FOXP1: variants seen among roughly 807,000 people sequenced by gnomAD.
The protein encoded by FOXP1 is forkhead box P1, also known as forkhead box protein P1.
In FOXP1, 15 loss-of-function variants were observed where a neutral mutation model predicts 98.2. The ratio of observed to expected loss-of-function variants is 0.15; its 90% confidence interval spans 0.10 to 0.24. FOXP1 has a LOEUF of 0.24. Ranked by LOEUF, FOXP1 falls within the 10% of genes least tolerant of loss-of-function variation. FOXP1 has a pLI of 1.00. For missense variants in FOXP1, 633 were observed against 848.5 expected, an observed-to-expected ratio of 0.75 and a Z score of 3.15; for synonymous variants, 371 against 314.5, an observed-to-expected ratio of 1.18 and a Z score of -1.90.
At chr3:71,290,128 A>G (rs1653967) in intron 5 of FOXP1, among the ~76,000 whole-genome samples, 59,585 of 151,958 alleles carry the variant, frequency 0.39, 13,134 homozygotes, top group Non-Finnish European at 0.5. Flanking sequence ...ATCTACAACT[A>G]CATTCCTGGT....
intron 11 of FOXP1, among the ~76,000 whole-genome samples, chr3:71,035,785 T>C (rs1024860439): frequency 2.6e-5 from 4 of 150,988 alleles, no homozygotes; most frequent in African/African-American, 9.7e-5. Context: ...AAAAAAAAAC[T>C]GAAATGAGGA....
At chr3:71,008,740 T>G (rs2043125547) in intron 12 of FOXP1, among the ~76,000 whole-genome samples, 1 of 152,094 alleles carries the variant, frequency 6.6e-6, no homozygotes, top group East Asian at 1.9e-4. Flanking sequence ...TATTTATCTT[T>G]GAAATCAAGG....
chr3:71,283,972 C>G (rs771342285), intron 5 of FOXP1, among the ~76,000 whole-genome samples: 1 of 152,124 alleles, frequency 6.6e-6, no homozygotes, highest in Non-Finnish European at 1.5e-5. Context: ...TCAAACCCTG[C>G]CTGTTCCAAT....
chr3:71,315,495 G>A (rs2075024287), intron 4 of FOXP1, among the ~76,000 whole-genome samples: 1 of 152,148 alleles, frequency 6.6e-6, no homozygotes, highest in South Asian at 2.1e-4. Flanking sequence ...TGCCTCAGTT[G>A]CGTGACCCAG....
intron 6 of FOXP1, among the ~76,000 whole-genome samples, chr3:71,178,245 CT>C (rs2062066930): frequency 6.6e-6 from 1 of 151,510 alleles, no homozygotes; most frequent in Non-Finnish European, 1.5e-5. Context: ...AGCAATTCCC[CT>C]GCCTCAGTCT....
rs538731312 is a variant in FOXP1 at position 71,144,731 on chromosome 3, T to C, written c.181-32094A>G. Among the ~76,000 whole-genome samples, 14 of 151,852 alleles carry C rather than the reference T, an allele frequency of 9.2e-5. No homozygotes were observed. In the South Asian group the frequency reaches 2.9e-3, roughly 32 times the overall value. On this transcript the variant is annotated intron_variant, in intron 6 of 20. Transcript: ENST00000649528. ...TGATTTTTGGCAGGGGGGTACAGAG[T>C]ATGAGTCTCCTCACATGCATGGATG...
intron 6 of FOXP1, chr3:71,130,428 C>A: frequency 6.7e-7 from 1 of 1,488,548 alleles, no homozygotes; most frequent in Non-Finnish European, 9.2e-7. Context: ...AGAATGTCTG[C>A]ACAAGAACGG....
chr3:71,002,931 C>T (rs893158860), intron 12 of FOXP1, among the ~76,000 whole-genome samples: 1 of 152,142 alleles, frequency 6.6e-6, no homozygotes, highest in African/African-American at 2.4e-5. Context: ...TAAGCTGTCA[C>T]CAATGAAACA....
intron 3 of FOXP1, among the ~76,000 whole-genome samples, chr3:71,478,425 A>G (rs2090021945): frequency 6.6e-6 from 1 of 152,218 alleles, no homozygotes; most frequent in African/African-American, 2.4e-5. Flanking sequence ...AAGTTTGCCA[A>G]GTAGAAATGG....
intron 6 of FOXP1, among the ~76,000 whole-genome samples, chr3:71,114,080 C>T (rs1202719953): frequency 6.6e-6 from 1 of 152,034 alleles, no homozygotes; most frequent in Admixed American, 6.6e-5. Context: ...TATATGGTAA[C>T]CAAATTATTT....
intron 6 of FOXP1, among the ~76,000 whole-genome samples, chr3:71,113,712 C>CAAAATAAAATTAAAATAAAAT: frequency 9.8e-6 from 1 of 102,378 alleles, no homozygotes; most frequent in South Asian, 3.8e-4. Context: ...GCTTCCATCT[C>CAAAATAAAATTAAAATAAAAT]AAAATAAAAT....
intron 5 of FOXP1, among the ~76,000 whole-genome samples, chr3:71,268,090 CTTTTT>C (rs754818021): frequency 3.0e-5 from 3 of 100,392 alleles, no homozygotes; most frequent in East Asian, 6.5e-4. Flanking sequence ...CTTTTCTTTT[CTTTTT>C]TTTTTTTTTT....
chr3:71,556,359 C>T (rs1330905147), intron 2 of FOXP1, among the ~76,000 whole-genome samples: 3 of 151,982 alleles, frequency 2.0e-5, no homozygotes, highest in African/African-American at 4.8e-5. Flanking sequence ...GAGCAGATCA[C>T]GAGGTCAGGA....
intron 11 of FOXP1, among the ~76,000 whole-genome samples, chr3:71,031,892 G>C (rs908523690): frequency 1.3e-5 from 2 of 152,204 alleles, no homozygotes; most frequent in Non-Finnish European, 2.9e-5. Context: ...GTTTTTAACT[G>C]ACTTTCTATG....
chr3:71,284,709 G>A (rs1055866310), intron 5 of FOXP1, among the ~76,000 whole-genome samples: 5 of 151,708 alleles, frequency 3.3e-5, no homozygotes, highest in Non-Finnish European at 4.4e-5. Context: ...AACCATTCCA[G>A]ATGTCTTTAA....
chr3:71,321,775 C>T (rs1576961643), intron 4 of FOXP1, among the ~76,000 whole-genome samples: 1 of 152,074 alleles, frequency 6.6e-6, no homozygotes, highest in East Asian at 1.9e-4. Context: ...GTGTGCACCA[C>T]CACACCTGGC....
chr3:71,312,305 C>T (rs1214921388), intron 4 of FOXP1, among the ~76,000 whole-genome samples: 1 of 152,220 alleles, frequency 6.6e-6, no homozygotes, highest in Non-Finnish European at 1.5e-5. Context: ...GAAGCTGTTG[C>T]TGAACTCATC....
intron 5 of FOXP1, among the ~76,000 whole-genome samples, chr3:71,280,644 T>C (rs1298238374): frequency 1.3e-5 from 2 of 151,886 alleles, no homozygotes; most frequent in African/African-American, 2.4e-5. Context: ...TTTTTTTTTG[T>C]TTTCAAAATA....
intron 9 of FOXP1, among the ~76,000 whole-genome samples, chr3:71,052,130 G>C (rs1048488063): frequency 8.6e-5 from 13 of 151,698 alleles, no homozygotes; most frequent in African/African-American, 2.9e-4. Flanking sequence ...TCTTCCAATG[G>C]AAAAGGCCAT....
Sources: allele counts gnomAD v4.1 joint callset (sites outside exome capture counted in the v4.1 genomes callset), GRCh38; gene constraint gnomAD v4.1.1; transcripts MANE v1.5; gene names NCBI Gene and HGNC (gene_info 2026-07-23, HGNC 2026-07-21).